Variants in NDEL1 observed in about 807,000 individuals in gnomAD.
NDEL1 encodes the protein nudE neurodevelopment protein 1 like 1.
In NDEL1, 9 loss-of-function variants were observed where a neutral mutation model predicts 45.7. The ratio of observed to expected loss-of-function variants is 0.20; its 90% CI spans 0.12 to 0.34. NDEL1 has a LOEUF of 0.34. Ranked by LOEUF, NDEL1 falls within the 10% of genes least tolerant of loss-of-function variation. The pLI is 1.00. For synonymous variants in NDEL1, 133 were observed against 158.6 expected (o/e 0.84, Z 1.21); for missense variants, 306 against 406.2 (o/e 0.75, Z 2.12).
chr17:8,414,434 A>G (rs8081022), intron 1 of NDEL1, among the ~76,000 whole-genome samples: 93,801 of 151,980 alleles, frequency 0.62, 29,084 homozygotes, highest in African/African-American at 0.67. Flanking sequence ...TTGGGAGGCC[A>G]AGGCTGGCGG....
At position 8,436,058 on chromosome 17, in the gene NDEL1, C is replaced by T. The variant is rs747223575; in HGVS notation, c.-13+13C>T. ...TGACACATTGGAGGTGAGCCTGCAGCGCGGGGCCGCTCCCTAAGGGGCTGC... is the reference window on the plus strand; with the variant it reads ...TGACACATTGGAGGTGAGCCTGCAGTGCGGGGCCGCTCCCTAAGGGGCTGC... On this transcript the variant is annotated intron_variant, in intron 1 of 8. Transcript: ENST00000334527. The T allele has an allele frequency of 7.0e-6, 3 of 428,680 alleles. No homozygotes were observed. Among genetic ancestry groups the T allele is most frequent in the South Asian group, 3.2e-5 (2 of 61,652 alleles). 26.6% of individuals were successfully genotyped at this position (428,680 alleles called of 1,614,324 possible).
rs1911714900 is a variant in NDEL1, at chr17:8,467,893, G to A, written c.*870G>A. 6.5e-6 allele frequency: 1 copy of A among 152,718 alleles called. No homozygotes were observed. The highest frequency in any genetic ancestry group is 2.1e-4 in the South Asian group (1 of 4,832). 9.5% of individuals were successfully genotyped at this position (152,718 alleles called of 1,614,324 possible). On this transcript the variant is annotated 3_prime_UTR_variant, in exon 9 of 9. Coordinates refer to ENST00000334527, the MANE Select transcript of NDEL1 (RefSeq NM_030808.5). This position sits in a 1 kb window ranked among gnomAD's most constrained non-coding sequence, Gnocchi z 6.3. ...CGGGGTGGACTGAACAGCGGCGGCTGTCCCTGTGCATCCTTTGATTACTCT... is the reference window on the plus strand; with the variant it reads ...CGGGGTGGACTGAACAGCGGCGGCTATCCCTGTGCATCCTTTGATTACTCT...
rs8852 is a variant in NDEL1, at chr17:8,467,703, C to T, written c.*680C>T. On this transcript the variant is annotated 3_prime_UTR_variant, in exon 9 of 9. Coordinates refer to ENST00000334527, the MANE Select transcript of NDEL1 (RefSeq NM_030808.5). This position sits in a 1 kb window ranked among gnomAD's most constrained non-coding sequence, Gnocchi z 6.3. ...CCAGCCTCTGTGCTGTCTCCTCCTC[C>T]GTGCGCCTCAGACTCGGGGTGAGGG... 0.92 allele frequency: 141,106 copies of T among 153,134 alleles called. 66,119 individuals carry two copies. Among genetic ancestry groups the T allele is most frequent in the East Asian group, 1 (5,195 of 5,196 alleles). 9.5% of individuals were successfully genotyped at this position (153,134 alleles called of 1,614,324 possible).
At chr17:8,416,954 G>A (rs951353003) in intron 1 of NDEL1, among the ~76,000 whole-genome samples, 7 of 151,966 alleles carry the variant, frequency 4.6e-5, no homozygotes, top group Non-Finnish European at 8.8e-5. Context: ...TTTAAAAAGC[G>A]CTCTTGTTCT....
chr17:8,471,756 G>A (rs143203891), downstream of NDEL1, among the ~76,000 whole-genome samples: 2 of 152,326 alleles, frequency 1.3e-5, no homozygotes, highest in African/African-American at 4.8e-5. Flanking sequence ...ACAAGAATGA[G>A]GTACTTCACA....
downstream of NDEL1, among the ~76,000 whole-genome samples, chr17:8,473,146 A>G (rs972612964): frequency 2.0e-5 from 3 of 152,078 alleles, no homozygotes; most frequent in African/African-American, 7.2e-5. Flanking sequence ...TAGTTGGGAA[A>G]CTGTGACGTG....
intron 1 of NDEL1, among the ~76,000 whole-genome samples, chr17:8,442,596 C>T (rs936493264): frequency 4.0e-5 from 6 of 151,864 alleles, no homozygotes; most frequent in African/African-American, 1.2e-4. Flanking sequence ...CATGAGCCAC[C>T]GTGTCCAGCC....
chr17:8,443,612 A>G (rs1909899140), intron 1 of NDEL1, among the ~76,000 whole-genome samples: 1 of 152,108 alleles, frequency 6.6e-6, no homozygotes, highest in African/African-American at 2.4e-5. Context: ...AATGTTAGTT[A>G]ATTAAATCGC....
In NDEL1 at chr17:8,454,900, T is replaced by G; in HGVS notation, c.792+13T>G. ...ACGGAAAGTAGGGGTAAGTTTCAAT[T>G]ATTTATCACTAGGTGTTTCCACTGA... On this transcript the variant is annotated intron_variant, in intron 7 of 8. Transcript: ENST00000334527. 1 of 1,582,686 alleles carries G rather than the reference T, an allele frequency of 6.3e-7. No homozygotes were observed. The highest frequency in any genetic ancestry group is 8.7e-7 in the Non-Finnish European group (1 of 1,152,632).
downstream of NDEL1, among the ~76,000 whole-genome samples, chr17:8,471,981 G>C (rs972800905): frequency 1.3e-5 from 2 of 152,182 alleles, no homozygotes; most frequent in African/African-American, 4.8e-5. Context: ...CTCGCAAGGG[G>C]AGACCTGCCT....
chr17:8,463,393 C>G lies in NDEL1; in HGVS notation c.944+3233C>G. 1.9e-6 allele frequency: 3 copies of G among 1,598,392 alleles called. 1 individual carries two copies. Among genetic ancestry groups the G allele is most frequent in the South Asian group, 2.2e-5 (2 of 90,378 alleles). On this transcript the variant is annotated intron_variant, in intron 8 of 8. Transcript: ENST00000334527. ...TTTGCTGTGCTCTTTTTCATTCTTT[C>G]TTAATCCTGGTGTGTGGTGGAAGAC...
intron 1 of NDEL1, among the ~76,000 whole-genome samples, chr17:8,414,453 G>A (rs1344988090): frequency 1.3e-5 from 2 of 152,236 alleles, no homozygotes; most frequent in South Asian, 2.1e-4. Context: ...GGATCATGAG[G>A]TCAGGATATC....
At chr17:8,468,495 G>C (rs1410669638), downstream of NDEL1, among the ~76,000 whole-genome samples, 1 of 152,262 alleles carries the variant, frequency 6.6e-6, no homozygotes, top group African/African-American at 2.4e-5. Flanking sequence ...TGGTCCTGCA[G>C]CTGTGCTGCC....
chr17:8,444,691 A>T (rs1909969274), intron 2 of NDEL1: 1 of 197,042 alleles, frequency 5.1e-6, no homozygotes, highest in Non-Finnish European at 1.0e-5. Flanking sequence ...TCATTTGGAG[A>T]TTCTGATAAG....
chr17:8,428,919 T>TC (rs1908932758), intron 1 of NDEL1, among the ~76,000 whole-genome samples: 1 of 151,594 alleles, frequency 6.6e-6, no homozygotes, highest in African/African-American at 2.4e-5. Flanking sequence ...GTGATCTGCC[T>TC]GCCTTGGCCT....
downstream of NDEL1, among the ~76,000 whole-genome samples, chr17:8,470,729 A>G (rs571246529): frequency 2.6e-5 from 4 of 152,324 alleles, no homozygotes; most frequent in South Asian, 8.3e-4. This position sits in a 1 kb window ranked among gnomAD's most constrained non-coding sequence, Gnocchi z 4.2. Context: ...TTGAGGCCTC[A>G]CTGGCCTTGA....
intron 6 of NDEL1, among the ~76,000 whole-genome samples, chr17:8,453,967 G>A (rs888033780): frequency 3.9e-5 from 6 of 152,250 alleles, no homozygotes; most frequent in African/African-American, 1.2e-4. Context: ...TATTTCAGAT[G>A]AGATGAGTTT....
At chr17:8,468,827 A>G (rs1431486367), downstream of NDEL1, among the ~76,000 whole-genome samples, 2 of 152,234 alleles carry the variant, frequency 1.3e-5, no homozygotes, top group Non-Finnish European at 2.9e-5. Context: ...AACATGGTGA[A>G]ACCCTGTCTC....
At chr17:8,453,473 G>C (rs1489217877) in intron 6 of NDEL1, among the ~76,000 whole-genome samples, 1 of 152,108 alleles carries the variant, frequency 6.6e-6, no homozygotes, top group South Asian at 2.1e-4. Flanking sequence ...TTACATATGG[G>C]TCACTTACCC....
Sources: allele counts gnomAD v4.1 joint callset (sites outside exome capture counted in the v4.1 genomes callset), GRCh38; gene constraint gnomAD v4.1.1; non-coding constraint Gnocchi (gnomAD v3.1); transcripts MANE v1.5; gene names NCBI Gene and HGNC (gene_info 2026-07-23, HGNC 2026-07-21).